Variants in KCNC4 observed in about 807,000 individuals in gnomAD.
KCNC4 encodes voltage-gated potassium channel KCNC4.
Under a neutral mutation model 42.8 loss-of-function variants are expected in KCNC4, and 23 were observed. That is an observed-to-expected ratio of 0.54 (90% confidence interval 0.39 to 0.76). The LOEUF is 0.76. KCNC4 is among the 30% of genes least tolerant of loss of function. The pLI is 0.00. For missense variants in KCNC4, 751 were observed against 898.2 expected, an observed-to-expected ratio of 0.84 and a Z score of 2.10; for synonymous variants, 422 against 393.5, an observed-to-expected ratio of 1.07 and a Z score of -0.86.
intron 1 of KCNC4, among the ~76,000 whole-genome samples, chr1:110,267,901 C>A (rs368062440): frequency 6.6e-6 from 1 of 152,158 alleles, no homozygotes; most frequent in African/African-American, 2.4e-5. Context: ...AGATTGAAGT[C>A]GCATTCGTAA....
rs1658827053 is a variant in KCNC4, at chr1:110,233,719, GC to G, written c.*750del. 1 of 152,446 alleles carries G rather than the reference GC, an allele frequency of 6.6e-6. No homozygotes were observed. Among genetic ancestry groups the G allele is most frequent in the Non-Finnish European group, 1.5e-5 (1 of 68,230 alleles). The allele number at this position is 152,446 out of a possible 1,614,324, so 9.4% of individuals were successfully genotyped here. A position where few individuals can be genotyped will look rare whatever the true frequency, so the allele number is the denominator to read the frequency against. On this transcript the variant is annotated 3_prime_UTR_variant, in exon 4 of 4. Transcript: ENST00000438661. The stretch of plus-strand genomic sequence containing the variant: ...AGACAGGCAGGGAAAGGATCTGTCT[GC>G]CCATCTGGCCCAGGGGGTCCGAGAA...
At chr1:110,248,722 T>C (rs1233106871) in exon 4 of KCNC4, 1 of 152,260 alleles carries the variant, frequency 6.6e-6, no homozygotes, top group Non-Finnish European at 1.5e-5. Flanking sequence ...TTGGAAATTA[T>C]ACTTTGACAT....
In KCNC4 at chr1:110,223,656, A is replaced by G. The variant is rs1319032405; in HGVS notation, c.1371A>G (p.Ala457=). The G allele has an allele frequency of 1.2e-6, 2 of 1,613,948 alleles. No individual in the cohort carries two copies. The highest frequency in any genetic ancestry group is 1.3e-5 in the African/African-American group (1 of 74,930). Residue 457 remains alanine (A), a synonymous_variant, in exon 2 of 4, where the codon GCA becomes GCG. Transcript: ENST00000438661. This position sits in a 1 kb window ranked among gnomAD's most constrained non-coding sequence, Gnocchi z 7.5. Reference sequence around the variant, plus strand: ...GCATGCTGGTAGGGGCACTGTGTGCACTGGCTGGCGTGCTCACCATCGCCA... The same window carrying G: ...GCATGCTGGTAGGGGCACTGTGTGCGCTGGCTGGCGTGCTCACCATCGCCA... ...WSGMLVGALC[A]LAGVLTIAMP...
At chr1:110,229,214 C>T (rs933299282) in intron 3 of KCNC4, 1 of 152,286 alleles carries the variant, frequency 6.6e-6, no homozygotes, top group South Asian at 2.1e-4. Flanking sequence ...TTATGTCGGG[C>T]ATCTCTGCTG....
intron 3 of KCNC4, among the ~76,000 whole-genome samples, chr1:110,229,815 G>A (rs919240902): frequency 1.3e-5 from 2 of 152,210 alleles, no homozygotes; most frequent in South Asian, 2.1e-4. Context: ...TGAGGAACAA[G>A]GTTGCCTCAG....
chr1:110,224,519 G>A (rs1658286210), intron 2 of KCNC4: 1 of 152,610 alleles, frequency 6.6e-6, no homozygotes, highest in African/African-American at 2.4e-5. Context: ...ATTGAGTCCT[G>A]GGCTCAGGGT....
At chr1:110,268,624 A>AAAAAAAAAAG (rs1553218082) in intron 1 of KCNC4, among the ~76,000 whole-genome samples, 2 of 147,270 alleles carry the variant, frequency 1.4e-5, no homozygotes, top group African/African-American at 5.1e-5. Context: ...AAAAAAAAAA[A>AAAAAAAAAAG]AAAGAAAAGA....
downstream of KCNC4, among the ~76,000 whole-genome samples, chr1:110,251,569 T>C (rs1003844897): frequency 2.0e-5 from 3 of 152,182 alleles, no homozygotes; most frequent in East Asian, 1.9e-4. Context: ...CATTAGCAGC[T>C]TGGGAACAGA....
downstream of KCNC4, chr1:110,234,242 G>C (rs887577348): frequency 1.3e-5 from 2 of 152,136 alleles, no homozygotes; most frequent in African/African-American, 4.8e-5. Context: ...GCCACACAAA[G>C]AGGACTAACC....
At chr1:110,213,218 A>G (rs1313255199) in intron 1 of KCNC4, among the ~76,000 whole-genome samples, 1 of 140,388 alleles carries the variant, frequency 7.1e-6, no homozygotes, top group African/African-American at 2.7e-5. Flanking sequence ...ATGGCTTTAG[A>G]TTCTTTAAAG....
chr1:110,260,785 CCGGGCACGGAGA>C (rs1426947513), intron 1 of KCNC4, among the ~76,000 whole-genome samples: 1 of 152,168 alleles, frequency 6.6e-6, no homozygotes, highest in African/African-American at 2.4e-5. Context: ...AAAAAATTAG[CCGGGCACGGAGA>C]CGTGCGCTTG....
At position 110,223,500 on chromosome 1, in the gene KCNC4, T is replaced by C. The variant is rs376968754; in HGVS notation, c.1215T>C (p.Ile405=). The C allele has an allele frequency of 4.6e-5, 75 of 1,613,914 alleles. No homozygotes were observed. In the African/African-American group the frequency reaches 9.7e-4, roughly 21 times the overall value. The part of the protein sequence containing the change: ...FATMIYYAER[I]GARPSDPRGN... ...CCATGATCTACTACGCTGAGCGCAT[T>C]GGGGCCAGGCCCTCCGACCCTCGGG... Residue 405 remains isoleucine (I), a synonymous_variant, in exon 2 of 4, where the codon ATT becomes ATC. Coordinates refer to ENST00000438661, the MANE Select transcript of KCNC4 (RefSeq NM_001039574.3). This position sits in a 1 kb window ranked among gnomAD's most constrained non-coding sequence, Gnocchi z 7.5.
At chr1:110,272,949 G>A (rs1284193679) in intron 1 of KCNC4, among the ~76,000 whole-genome samples, 1 of 152,188 alleles carries the variant, frequency 6.6e-6, no homozygotes, top group Non-Finnish European at 1.5e-5. Context: ...TTATAAAAAT[G>A]CTCACTCCCA....
downstream of KCNC4, among the ~76,000 whole-genome samples, chr1:110,283,511 C>T (rs1659863454): frequency 6.6e-6 from 1 of 152,218 alleles, no homozygotes; most frequent in Non-Finnish European, 1.5e-5. Flanking sequence ...CCACTTGTCT[C>T]TCTCAGTGGA....
chr1:110,267,902 G>A (rs771085400), intron 1 of KCNC4, among the ~76,000 whole-genome samples: 63 of 152,262 alleles, frequency 4.1e-4, no homozygotes, highest in African/African-American at 1.3e-3. Flanking sequence ...GATTGAAGTC[G>A]CATTCGTAAT....
chr1:110,232,542 G>A, intron 3 of KCNC4: 10 of 1,434,644 alleles, frequency 7.0e-6, no homozygotes, highest in Non-Finnish European at 8.2e-6. Context: ...CACTGCACTG[G>A]AGCTTTGAAG....
chr1:110,239,682 A>G (rs1658987483), exon 4 of KCNC4: 1 of 151,820 alleles, frequency 6.6e-6, no homozygotes, highest in Non-Finnish European at 1.5e-5. Context: ...TTTGCACCTC[A>G]TTTCTAGGGC....
rs759703247 is a variant in KCNC4 at position 110,212,074 on chromosome 1, A to G, written c.575A>G (p.His192Arg). 8 of 1,543,000 alleles carry G rather than the reference A, an allele frequency of 5.2e-6. No homozygotes were observed. The East Asian group carries it at 1.2e-4, about 23-fold the overall frequency. The change falls in exon 1 of 4, where the codon CAC becomes CGC. Residue 192 changes from histidine to arginine, a missense_variant. Physicochemically the swap from His to Arg is conservative, Grantham distance 29. Coordinates refer to ENST00000438661, the MANE Select transcript of KCNC4 (RefSeq NM_001039574.3). ...RELALQRLGPHEGGAGHGAGS... is the reference protein window; with the variant it reads ...RELALQRLGPREGGAGHGAGS... The stretch of plus-strand genomic sequence containing the variant: ...CTGGCCCTGCAGCGACTGGGCCCCC[A>G]CGAGGGAGGCGCGGGCCATGGCGCC...
exon 4 of KCNC4, chr1:110,247,555 C>CTTTTTCTTTTTT (rs1553215983): frequency 7.6e-5 from 4 of 52,352 alleles, no homozygotes; most frequent in Non-Finnish European, 1.2e-4. Flanking sequence ...TTTCTTTTTT[C>CTTTTTCTTTTTT]TTTTTTTTTT....
Sources: gnomAD v4.1 joint callset for allele counts (sites outside exome capture counted in the v4.1 genomes callset) on GRCh38, gnomAD v4.1.1 for gene constraint, Gnocchi (gnomAD v3.1) non-coding constraint, MANE v1.5 for transcripts, NCBI Gene and HGNC (gene_info 2026-07-23, HGNC 2026-07-21) for gene names.